Variants in XPO7 observed in about 807,000 individuals in gnomAD.
XPO7 encodes the protein exportin 7, also known as exportin-7.
XPO7 carries 21 observed loss-of-function variants against 144.3 expected under a neutral mutation model. The observed-to-expected ratio is 0.15, with a 90% CI of 0.10 to 0.21. The LOEUF (loss-of-function observed/expected upper bound fraction) is 0.21, where lower values mean the gene tolerates loss of function less well. Among genes scored for constraint, XPO7 ranks in the 10% least tolerant of loss-of-function variants. The pLI, the probability that XPO7 is intolerant of heterozygous loss-of-function variation, is 1.00. For synonymous variants in XPO7, 580 were observed against 499.6 expected (o/e 1.16, Z -2.15); for missense variants, 808 against 1,325.8 (o/e 0.61, Z 6.06).
intron 23 of XPO7, 63 bp from the exon 24 acceptor site, chr8:21,999,473 G>A (rs140159833): frequency 5.9e-5 from 95 of 1,601,256 alleles, no homozygotes; most frequent in African/African-American, 5.5e-4. Flanking sequence ...ATTTAAGATC[G>A]TCTCCCTGCA....
intron 21 of XPO7, among the ~76,000 whole-genome samples, chr8:21,997,746 TG>T (rs937160591): frequency 1.3e-5 from 2 of 152,044 alleles, no homozygotes; most frequent in African/African-American, 4.8e-5. Context: ...ATGTGAAGAA[TG>T]GGACTAAAGG....
chr8:21,947,991 CA>C (rs1414558455), intron 1 of XPO7, among the ~76,000 whole-genome samples: 2 of 152,238 alleles, frequency 1.3e-5, no homozygotes, highest in Non-Finnish European at 2.9e-5. Flanking sequence ...AGAAGGAGCA[CA>C]GTGGATTTGA....
At chr8:21,967,592 C>T (rs1811926409) in intron 2 of XPO7, among the ~76,000 whole-genome samples, 1 of 152,102 alleles carries the variant, frequency 6.6e-6, no homozygotes, top group South Asian at 2.1e-4. Flanking sequence ...CTCGGCCTCC[C>T]AAAGTGATGG....
At chr8:21,950,458 A>G (rs1172628000) in intron 1 of XPO7, among the ~76,000 whole-genome samples, 1 of 152,212 alleles carries the variant, frequency 6.6e-6, no homozygotes, top group Non-Finnish European at 1.5e-5. Flanking sequence ...TCAAATGAGT[A>G]AGATTTGTTG....
chr8:21,969,396 G>A, intron 2 of XPO7, 87 bp from the exon 3 acceptor site: 1 of 1,164,012 alleles, frequency 8.6e-7, no homozygotes. Flanking sequence ...GCCTTTTCTT[G>A]AATCTGAGCA....
chr8:21,953,279 C>G (rs1022011911), intron 1 of XPO7, among the ~76,000 whole-genome samples: 1 of 152,090 alleles, frequency 6.6e-6, no homozygotes, highest in Non-Finnish European at 1.5e-5. Context: ...ATCATTTCTC[C>G]CCCCCTGCAA....
At chr8:21,998,903 C>T in intron 22 of XPO7, 66 bp downstream of exon 22, 3 of 1,566,408 alleles carry the variant, frequency 1.9e-6, no homozygotes, top group Non-Finnish European at 2.6e-6. Flanking sequence ...CTGTAAGCAG[C>T]ATGTGGGTCT....
intron 1 of XPO7, among the ~76,000 whole-genome samples, chr8:21,924,453 C>A (rs1002203707): frequency 2.6e-5 from 4 of 151,924 alleles, no homozygotes; most frequent in African/African-American, 7.3e-5. Flanking sequence ...CCCCTCCCCC[C>A]CCCACCCCAC....
At chr8:21,955,396 C>T (rs551904552) in intron 1 of XPO7, among the ~76,000 whole-genome samples, 6 of 152,158 alleles carry the variant, frequency 3.9e-5, no homozygotes, top group Non-Finnish European at 7.3e-5. Context: ...ATTTAAAGTA[C>T]AGTGTTTGTC....
chr8:21,946,642 T>TTG (rs1254696223), intron 1 of XPO7, among the ~76,000 whole-genome samples: 2 of 143,540 alleles, frequency 1.4e-5, no homozygotes, highest in African/African-American at 5.0e-5. Flanking sequence ...AAAACAGGAT[T>TTG]TTTTTTTTTT....
chr8:21,937,190 A>T (rs1810848531), intron 1 of XPO7, among the ~76,000 whole-genome samples: 1 of 152,236 alleles, frequency 6.6e-6, no homozygotes. Context: ...TCAATGGTAG[A>T]TATGACCACC....
intron 1 of XPO7, chr8:21,964,127 C>T (rs932689272): frequency 1.3e-5 from 2 of 152,074 alleles, no homozygotes; most frequent in Non-Finnish European, 2.9e-5. Context: ...AGCATTTCAC[C>T]AAATGTGCTT....
At chr8:21,963,392 G>C (rs867249447) in intron 1 of XPO7, among the ~76,000 whole-genome samples, 7 of 152,142 alleles carry the variant, frequency 4.6e-5, no homozygotes, top group African/African-American at 1.4e-4. Flanking sequence ...TTTTAAAGCA[G>C]TGAGGCTAAT....
intron 16 of XPO7, among the ~76,000 whole-genome samples, chr8:21,989,410 C>G (rs1464898282): frequency 6.6e-6 from 1 of 152,178 alleles, no homozygotes; most frequent in African/African-American, 2.4e-5. Context: ...GAGACAAACT[C>G]CTTCTTAGGT....
At chr8:21,948,100 C>T (rs557516890) in intron 1 of XPO7, among the ~76,000 whole-genome samples, 2 of 152,276 alleles carry the variant, frequency 1.3e-5, no homozygotes, top group African/African-American at 4.8e-5. Flanking sequence ...ATTTGTAATA[C>T]CTCTTACTCT....
chr8:21,985,039 G>T (rs1483102428), intron 12 of XPO7, among the ~76,000 whole-genome samples, 200 bp downstream of exon 12: 1 of 151,056 alleles, frequency 6.6e-6, no homozygotes, highest in African/African-American at 2.5e-5. Flanking sequence ...ATCTGCAGTG[G>T]GATTTTGTTT....
chr8:21,938,479 T>G (rs572442512), intron 1 of XPO7, among the ~76,000 whole-genome samples: 3 of 152,324 alleles, frequency 2.0e-5, no homozygotes, highest in Admixed American at 1.3e-4. Context: ...ACTGCTGGTA[T>G]GCCATGTGAT....
chr8:21,953,139 C>T (rs1259636116), intron 1 of XPO7, among the ~76,000 whole-genome samples: 1 of 151,636 alleles, frequency 6.6e-6, no homozygotes, highest in East Asian at 1.9e-4. Flanking sequence ...GTGTTGTGCT[C>T]TGTGGGTTTT....
rs1222364229 is a variant in XPO7 at position 21,992,005 on chromosome 8, AG to A, written c.2148+32del. The A allele has an allele frequency of 3.8e-6, 6 of 1,576,764 alleles. No homozygotes were observed. In the African/African-American group the frequency reaches 8.1e-5, roughly 21 times the overall value. Reference sequence around the variant, plus strand: ...TGAGTCTTTCACCCAGTAATTAATCAGCTTCTGGTTTAGGGCAGTCTCTGAT... The same window carrying A: ...TGAGTCTTTCACCCAGTAATTAATCACTTCTGGTTTAGGGCAGTCTCTGAT... On this transcript the variant is annotated intron_variant, in intron 19 of 27. Transcript: ENST00000252512.
Sources: gnomAD v4.1 joint callset for allele counts (sites outside exome capture counted in the v4.1 genomes callset) on GRCh38, gnomAD v4.1.1 for gene constraint, MANE v1.5 for transcripts, NCBI Gene and HGNC (gene_info 2026-07-23, HGNC 2026-07-21) for gene names.